NKAIN2: variants seen among roughly 807,000 people sequenced by gnomAD.
NKAIN2 encodes sodium/potassium transporting ATPase interacting 2.
In NKAIN2, 14 loss-of-function variants were observed where a neutral mutation model predicts 32.6. That is an observed-to-expected ratio of 0.43 (90% CI 0.28 to 0.67). The LOEUF (loss-of-function observed/expected upper bound fraction) is 0.67. Ranked by LOEUF, NKAIN2 falls within the 30% of genes least tolerant of loss-of-function variation. The pLI, the probability that NKAIN2 is intolerant of heterozygous loss-of-function variation, is 0.17. For synonymous variants in NKAIN2, 80 were observed against 87.2 expected (o/e 0.92, Z 0.46); for missense variants, 198 against 258.3 (o/e 0.77, Z 1.60).
In NKAIN2 at chr6:124,471,029, T is replaced by C. The variant is rs1286238992; in HGVS notation, c.273+115682T>C. Among the ~76,000 whole-genome samples, 6 of 152,282 alleles carry C rather than the reference T, an allele frequency of 3.9e-5. No homozygotes were observed. The East Asian group carries it at 1.2e-3, about 29-fold the overall frequency. ...CTGTTGTCTATGGCTTCCCTTTGGC[T>C]ACAAGCCCAGAGTGGAATCCTTGCA... On this transcript the variant is annotated intron_variant, in intron 3 of 6. Coordinates refer to ENST00000368417, the MANE Select transcript of NKAIN2 (RefSeq NM_001040214.3).
intron 3 of NKAIN2, among the ~76,000 whole-genome samples, chr6:124,581,062 GAGAT>G (rs2114938804): frequency 6.6e-6 from 1 of 152,308 alleles, no homozygotes; most frequent in African/African-American, 2.4e-5. Context: ...GCTAAAGAGA[GAGAT>G]AGACCCCAAT....
chr6:124,428,528 T>G (rs968940604), intron 3 of NKAIN2, among the ~76,000 whole-genome samples: 1 of 152,172 alleles, frequency 6.6e-6, no homozygotes, highest in Non-Finnish European at 1.5e-5. Context: ...AGTTAGAAGT[T>G]GATGATTCTC....
chr6:124,141,375 G>A (rs1787130644), intron 1 of NKAIN2, among the ~76,000 whole-genome samples: 1 of 152,134 alleles, frequency 6.6e-6, no homozygotes, highest in Non-Finnish European at 1.5e-5. Flanking sequence ...TTTTATTTCT[G>A]TAGTGGATTT....
chr6:124,114,594 A>G (rs1785525819), intron 1 of NKAIN2, among the ~76,000 whole-genome samples: 1 of 152,128 alleles, frequency 6.6e-6, no homozygotes, highest in South Asian at 2.1e-4. Context: ...AGGAATTTTA[A>G]GTAGAAAAGA....
chr6:124,204,244 A>G (rs927381324), intron 1 of NKAIN2, among the ~76,000 whole-genome samples: 1 of 151,904 alleles, frequency 6.6e-6, no homozygotes, highest in African/African-American at 2.4e-5. Flanking sequence ...AATAAGAGAC[A>G]TTTTACATTT....
intron 3 of NKAIN2, among the ~76,000 whole-genome samples, chr6:124,566,234 C>T (rs1290394214): frequency 3.3e-5 from 5 of 152,222 alleles, no homozygotes; most frequent in Admixed American, 6.5e-5. Flanking sequence ...TTTCTTTTAG[C>T]TCCACCATAC....
chr6:124,595,318 C>A (rs1257937344), intron 3 of NKAIN2, among the ~76,000 whole-genome samples: 3 of 152,198 alleles, frequency 2.0e-5, no homozygotes, highest in East Asian at 1.9e-4. Flanking sequence ...GATCTGAACT[C>A]TTCTTCAACA....
chr6:124,009,869 T>C (rs1235343275), intron 1 of NKAIN2, among the ~76,000 whole-genome samples: 1 of 152,108 alleles, frequency 6.6e-6, no homozygotes, highest in Non-Finnish European at 1.5e-5. Flanking sequence ...AAGACTCCCA[T>C]TTTATATGCG....
chr6:124,078,071 G>A (rs988338769), intron 1 of NKAIN2, among the ~76,000 whole-genome samples: 3 of 152,158 alleles, frequency 2.0e-5, no homozygotes, highest in African/African-American at 7.2e-5. Flanking sequence ...TTTCATTTAG[G>A]ATATGTATTG....
intron 1 of NKAIN2, among the ~76,000 whole-genome samples, chr6:123,904,465 C>T (rs1367960471): frequency 6.6e-6 from 1 of 152,156 alleles, no homozygotes; most frequent in Non-Finnish European, 1.5e-5. Context: ...CTATGATAAT[C>T]ATAATACATT....
chr6:123,898,456 A>C (rs1774390260), intron 1 of NKAIN2, among the ~76,000 whole-genome samples: 1 of 152,132 alleles, frequency 6.6e-6, no homozygotes, highest in African/African-American at 2.4e-5. Flanking sequence ...TCAGAATCCC[A>C]TGTTACACCA....
intron 3 of NKAIN2, among the ~76,000 whole-genome samples, chr6:124,401,893 A>G (rs902248448): frequency 6.6e-6 from 1 of 152,040 alleles, no homozygotes; most frequent in South Asian, 2.1e-4. Flanking sequence ...GATAAATGGA[A>G]CTTCTATTTT....
chr6:124,634,321 A>G (rs1783688826), intron 3 of NKAIN2, among the ~76,000 whole-genome samples: 1 of 152,230 alleles, frequency 6.6e-6, no homozygotes, highest in Admixed American at 6.5e-5. Context: ...TCAGTGAGAT[A>G]CATGAGAACA....
intron 1 of NKAIN2, among the ~76,000 whole-genome samples, chr6:123,942,924 T>A (rs1776886678): frequency 6.6e-6 from 1 of 152,054 alleles, no homozygotes; most frequent in African/African-American, 2.4e-5. Context: ...AGTCAAGTAC[T>A]CTTACTAAAC....
chr6:124,785,292 A>G (rs973650482), intron 4 of NKAIN2, among the ~76,000 whole-genome samples: 6 of 151,810 alleles, frequency 4.0e-5, no homozygotes, highest in African/African-American at 1.5e-4. Flanking sequence ...TAATATTTTA[A>G]TTTATTTCAG....
At chr6:123,846,131 T>C (rs1775079253) in intron 1 of NKAIN2, among the ~76,000 whole-genome samples, 2 of 152,186 alleles carry the variant, frequency 1.3e-5, no homozygotes, top group Admixed American at 6.5e-5. Flanking sequence ...CCTATTAAAG[T>C]GTTAAACTTG....
At chr6:124,799,370 TC>T (rs1780153961) in intron 5 of NKAIN2, among the ~76,000 whole-genome samples, 1 of 152,206 alleles carries the variant, frequency 6.6e-6, no homozygotes, top group Admixed American at 6.5e-5. Context: ...GATGTTCAGG[TC>T]AAAACTGAGT....
At chr6:124,514,999 T>A (rs1385094330) in intron 3 of NKAIN2, among the ~76,000 whole-genome samples, 1 of 152,126 alleles carries the variant, frequency 6.6e-6, no homozygotes, top group Non-Finnish European at 1.5e-5. Flanking sequence ...TATGTCAAAC[T>A]TTATTCTAGG....
rs902082199 is a variant in NKAIN2, at chr6:124,607,315, A to C, written c.274-50871A>C. On this transcript the variant is annotated intron_variant, in intron 3 of 6. Coordinates refer to ENST00000368417, the MANE Select transcript of NKAIN2 (RefSeq NM_001040214.3). ...ATAAACTCTTCATGGATTGGGCAGC[A>C]TCAGAACCAGAAGAGGTTCAGAGAG... 3.3e-5 allele frequency among the ~76,000 whole-genome samples: 5 copies of C among 152,154 alleles called. No individual in the cohort carries two copies. The South Asian group carries it at 1.0e-3, about 31-fold the overall frequency.
Sources: gnomAD v4.1 joint callset for allele counts (sites outside exome capture counted in the v4.1 genomes callset) on GRCh38, gnomAD v4.1.1 for gene constraint, MANE v1.5 for transcripts, NCBI Gene and HGNC (gene_info 2026-07-23, HGNC 2026-07-21) for gene names.